The following PLEC variants were observed in gnomAD, a reference collection of about 807,000 sequenced individuals.
The protein encoded by PLEC is plectin, also known as hemidesmosomal protein 1.
In PLEC, 216 loss-of-function variants were observed where a neutral mutation model predicts 392.8. That is an observed-to-expected ratio of 0.55 (90% CI 0.49 to 0.62). The LOEUF (loss-of-function observed/expected upper bound fraction) is 0.62. Ranked by LOEUF, PLEC falls within the 20% of genes least tolerant of loss-of-function variation. The pLI is 0.00. For synonymous variants in PLEC, 3,621 were observed against 2,980.6 expected, an observed-to-expected ratio of 1.21 and a Z score of -7.00; for missense variants, 6,863 against 6,563.4, an observed-to-expected ratio of 1.05 and a Z score of -1.58.
chr8:143,926,415 C>T (rs1160436466), intron 30 of PLEC, among the ~76,000 whole-genome samples: 1 of 152,200 alleles, frequency 6.6e-6, no homozygotes, highest in African/African-American at 2.4e-5. Flanking sequence ...CCTTGGAAGA[C>T]CCTCCCTAGC....
chr8:143,926,602 G>A (rs1329147927), intron 30 of PLEC, among the ~76,000 whole-genome samples, 182 bp downstream of exon 30: 2 of 152,150 alleles, frequency 1.3e-5, no homozygotes, highest in Non-Finnish European at 2.9e-5. Context: ...GGCCAGGGGG[G>A]CAGGCCACAG....
At position 143,931,654 on chromosome 8, in the gene PLEC, G is replaced by A. The variant is rs1554715609; in HGVS notation, c.2184C>T (p.Phe728=). The A allele has an allele frequency of 1.2e-6, 2 of 1,600,090 alleles. No homozygotes were observed. The highest frequency in any genetic ancestry group is 1.7e-6 in the Non-Finnish European group (2 of 1,174,004). ...GCCCCTCGGCCTCCCGCACATCTGA[G>A]AAGAACTGGGGCAGCGGGAGGGGGT... ...LKENAAYFQF[F]SDVREAEGQL... Residue 728 remains phenylalanine (F), a synonymous_variant, in exon 19 of 32, where the codon TTC becomes TTT. Coordinates refer to ENST00000345136, the MANE Select transcript of PLEC (RefSeq NM_201384.3).
In PLEC at chr8:143,919,398, T is replaced by A; in HGVS notation, c.10423A>T (p.Ile3475Phe). 6.2e-7 allele frequency: 1 copy of A among 1,613,490 alleles called. No homozygotes were observed. Among genetic ancestry groups the A allele is most frequent in the Non-Finnish European group, 8.5e-7 (1 of 1,179,944 alleles). ...ACGCGGTGGCTGTGCACGGGGTCGA[T>A]GATGCCGCCCGTGGCGATCTGGGCC... is the stretch of plus-strand genomic sequence containing the variant. ...LEAQIATGGIIDPVHSHRVPV... is the reference protein window; with the variant it reads ...LEAQIATGGIFDPVHSHRVPV... Residue 3475 changes from isoleucine (I) to phenylalanine (F), a missense_variant, in exon 32 of 32, where the codon ATC becomes TTC. Coordinates refer to ENST00000345136, the MANE Select transcript of PLEC (RefSeq NM_201384.3).
Position 143,933,277 on chromosome 8 carries a change from A to G in PLEC, c.1338T>C (p.Asp446=), listed in dbSNP as rs1554719249. Residue 446 remains aspartate (D), a synonymous_variant, in exon 13 of 32, where the codon GAT becomes GAC. Transcript: ENST00000345136. Reference sequence around the variant, plus strand: ...CGTTGAAGAGCAGCCGGATCATGCTATCCGCCTTGTCCAAGTCCCGTTCCA... The same window carrying G: ...CGTTGAAGAGCAGCCGGATCATGCTGTCCGCCTTGTCCAAGTCCCGTTCCA... ...GEVERDLDKA[D]SMIRLLFNDV... is the part of the protein sequence containing the mutation. 2.5e-6 allele frequency: 4 copies of G among 1,612,954 alleles called. No individual in the cohort carries two copies. The highest frequency in any genetic ancestry group is 2.7e-5 in the African/African-American group (2 of 74,864).
chr8:143,948,186 T>G (rs11136340), intron 1 of PLEC, among the ~76,000 whole-genome samples: 44,514 of 152,140 alleles, frequency 0.29, 7,835 homozygotes, highest in Non-Finnish European at 0.39. Context: ...GGGGCCTCAC[T>G]GCAGGGGTAC....
intron 30 of PLEC, 107 bp from the exon 31 acceptor site, chr8:143,925,991 G>A: frequency 1.6e-6 from 2 of 1,279,464 alleles, no homozygotes; most frequent in South Asian, 2.6e-5. Context: ...CGGAGCAGGG[G>A]TCGGGGAAGA....
In PLEC at chr8:143,932,501, T is replaced by C; in HGVS notation, c.1876A>G (p.Thr626Ala). Residue 626 changes from threonine to alanine, a missense_variant, in exon 16 of 32, where the codon ACT becomes GCT. Physicochemically the swap from Thr to Ala is moderately conservative, Grantham distance 58. Transcript: ENST00000345136. The stretch of plus-strand genomic sequence containing the variant: ...TCATTCAGCCACATTAGCTCCTTAG[T>C]GGCGGCTGCCACAAAGCTGTGCAAG... ...ESLHSFVAAA[T>A]KELMWLNEKE... 1.9e-6 allele frequency: 3 copies of C among 1,611,004 alleles called. No individual in the cohort carries two copies. Among genetic ancestry groups the C allele is most frequent in the Non-Finnish European group, 2.5e-6 (3 of 1,179,552 alleles).
chr8:143,938,539 C>T (rs1829693365), intron 2 of PLEC, 92 bp downstream of exon 2: 11 of 1,540,718 alleles, frequency 7.1e-6, no homozygotes, highest in Middle Eastern at 3.4e-4. Context: ...ACACAGGCAG[C>T]ATGGGGACAG....
At chr8:143,938,118 G>T in intron 3 of PLEC, 33 bp downstream of exon 3, 2 of 1,530,484 alleles carry the variant, frequency 1.3e-6, no homozygotes, top group Non-Finnish European at 1.8e-6. Context: ...AGGTGGGGCA[G>T]GCGGGGCCCG....
In PLEC at chr8:143,939,249, G is replaced by T. The variant is rs1330760394; in HGVS notation, c.112+101C>A. On this transcript the variant is annotated intron_variant, in intron 1 of 31. Transcript: ENST00000345136. ...CCCCCGACCCCCATCTCCAAGACCA[G>T]CCCCCCAGCGGTGCCAAGGCTTTCC... 7 of 1,469,444 alleles carry T rather than the reference G, an allele frequency of 4.8e-6. No homozygotes were observed. The Admixed American group carries it at 1.2e-4, about 25-fold the overall frequency. 91.0% of individuals were successfully genotyped at this position (1,469,444 alleles called of 1,614,324 possible).
Position 143,920,289 on chromosome 8 carries a change from C to T in PLEC, c.9532G>A (p.Ala3178Thr), listed in dbSNP as rs781938939. The T allele has an allele frequency of 4.3e-5, 69 of 1,591,524 alleles. No individual in the cohort carries two copies. In the Admixed American group the frequency reaches 8.1e-4, roughly 19 times the overall value. Residue 3178 changes from alanine to threonine, a missense_variant, in exon 32 of 32, where the codon GCC (alanine) becomes ACC (threonine). Transcript: ENST00000345136. ...GTGCTGGGGTCACTGTAGGCCTTGG[C>T]GTCGGCCCTTGGTGCCGACAGGGCC... The part of the protein sequence containing the change: ...SRALSAPRAD[A>T]KAYSDPSTGE...
intron 5 of PLEC, among the ~76,000 whole-genome samples, chr8:143,936,346 T>C (rs56034811): frequency 0.45 from 68,469 of 152,058 alleles, 16,626 homozygotes; most frequent in African/African-American, 0.63. Flanking sequence ...CTCCCGGAGC[T>C]GGGATGGAGC....
In PLEC at chr8:143,921,138, C is replaced by A; in HGVS notation, c.8683G>T (p.Val2895Phe). Reference sequence around the variant, plus strand: ...TCCCGGGCCTCGGAGTCAGTGTAGACCAGCTCCCCGCCCTTGGCAGCCTTA... The same window carrying A: ...TCCCGGGCCTCGGAGTCAGTGTAGAACAGCTCCCCGCCCTTGGCAGCCTTA... The part of the protein sequence containing the change: ...TDKAAKGGEL[V>F]YTDSEARDVF... Residue 2895 changes from valine to phenylalanine, a missense_variant, in exon 32 of 32, where the codon GTC becomes TTC. Physicochemically the swap from Val to Phe is conservative, Grantham distance 50. Transcript: ENST00000345136. 6.2e-7 allele frequency: 1 copy of A among 1,613,340 alleles called. No individual in the cohort carries two copies. The highest frequency in any genetic ancestry group is 8.5e-7 in the Non-Finnish European group (1 of 1,180,042).
Position 143,919,428 on chromosome 8 carries a change from G to A in PLEC, c.10393C>T (p.Leu3465=), listed in dbSNP as rs181822001. 19 of 1,613,290 alleles carry A rather than the reference G, an allele frequency of 1.2e-5. 1 individual carries two copies. In the African/African-American group the frequency reaches 2.1e-4, roughly 18 times the overall value. The change falls in exon 32 of 32, where the codon CTG becomes TTG. Residue 3465 remains leucine (L), a synonymous_variant. Transcript: ENST00000345136. The part of the protein sequence containing the change: ...LVLRQHGIRL[L]EAQIATGGII... ...CCGCCCGTGGCGATCTGGGCCTCCA[G>A]CAGGCGGATGCCGTGCTGCCGGAGA...
In PLEC at chr8:143,938,698, G is replaced by A. The variant is rs782235036; in HGVS notation, c.113-6C>T. On this transcript the variant is annotated splice_polypyrimidine_tract_variant and splice_region_variant and intron_variant, in intron 1 of 31. Coordinates refer to ENST00000345136, the MANE Select transcript of PLEC (RefSeq NM_201384.3). The stretch of plus-strand genomic sequence containing the variant: ...CTGCACACGATCCCGCTCATCTGGG[G>A]GAGACAAGACCAGCTTACCTGGGGC... 9.7e-5 allele frequency: 156 copies of A among 1,613,538 alleles called. No individual in the cohort carries two copies. The highest frequency in any genetic ancestry group is 1.3e-4 in the Non-Finnish European group (149 of 1,179,876).
intron 3 of PLEC, 35 bp from the exon 4 acceptor site, chr8:143,937,277 C>G: frequency 6.5e-7 from 1 of 1,543,564 alleles, no homozygotes; most frequent in Non-Finnish European, 8.9e-7. Context: ...CACAGTGCAG[C>G]TGCAGCTCCC....
rs782664082 is a variant in PLEC at position 143,923,220 on chromosome 8, T to C, written c.6709A>G (p.Met2237Val). Reference sequence around the variant, plus strand: ...GCCTTGAGCTTGCTCAGCTCCTCCATCTGCACGCGCACCGAGAAGAGCTCC... The same window carrying C: ...GCCTTGAGCTTGCTCAGCTCCTCCACCTGCACGCGCACCGAGAAGAGCTCC... Reference protein sequence around the residue: ...EEELFSVRVQMEELSKLKARI... With the variant: ...EEELFSVRVQVEELSKLKARI... Residue 2237 changes from methionine to valine, a missense_variant, in exon 31 of 32, where the codon ATG becomes GTG. Met to Val is a conservative substitution (Grantham distance 21, BLOSUM62 1). Coordinates refer to ENST00000345136, the MANE Select transcript of PLEC (RefSeq NM_201384.3). 2 of 1,603,204 alleles carry C rather than the reference T, an allele frequency of 1.2e-6. No homozygotes were observed. Among genetic ancestry groups the C allele is most frequent in the Non-Finnish European group, 1.7e-6 (2 of 1,179,886 alleles).
At chr8:143,942,368 C>T (rs931663979), upstream of PLEC, 6 of 1,600,278 alleles carry the variant, frequency 3.7e-6, no homozygotes, top group Non-Finnish European at 5.1e-6. Flanking sequence ...CCTTCTGTGC[C>T]ACCGGCCACG....
Position 143,929,809 on chromosome 8 carries a change from C to T in PLEC, c.2760G>A (p.Glu920=). The T allele has an allele frequency of 6.3e-7, 1 of 1,599,140 alleles. No homozygotes were observed. Among genetic ancestry groups the T allele is most frequent in the Non-Finnish European group, 8.5e-7 (1 of 1,178,194 alleles). The change falls in exon 23 of 32, where the codon GAG becomes GAA. Residue 920 remains glutamate (E), a synonymous_variant. Coordinates refer to ENST00000345136, the MANE Select transcript of PLEC (RefSeq NM_201384.3). ...GGCTGTGCAGGGCTTGGCGCTGCTC[C>T]TCTGGCTTCAGGGTGCGGAACTGGG... The part of the protein sequence containing the change: ...SLATFRTLKP[E]EQRQALHSLE...
Sources: gnomAD v4.1 joint callset for allele counts (sites outside exome capture counted in the v4.1 genomes callset) on GRCh38, gnomAD v4.1.1 for gene constraint, MANE v1.5 for transcripts, NCBI Gene and HGNC (gene_info 2026-07-23, HGNC 2026-07-21) for gene names.